The following RPS21 variants were observed in gnomAD, a reference collection of about 807,000 sequenced individuals.
RPS21 encodes the protein ribosomal protein S21.
Under a neutral mutation model 14.5 loss-of-function variants are expected in RPS21, and 6 were observed. The ratio of observed to expected loss-of-function variants is 0.41; its 90% confidence interval spans 0.23 to 0.82. The LOEUF (loss-of-function observed/expected upper bound fraction) is 0.82. Among genes scored for constraint, RPS21 ranks in the 40% least tolerant of loss-of-function variants. The pLI, the probability that RPS21 is intolerant of heterozygous loss-of-function variation, is 0.31. For missense variants in RPS21, 85 were observed against 115.0 expected, an observed-to-expected ratio of 0.74 and a Z score of 1.19; for synonymous variants, 61 against 42.6, an observed-to-expected ratio of 1.43 and a Z score of -1.69.
At position 62,388,457 on chromosome 20, in the gene RPS21, G is replaced by A. The variant is rs1327895833; in HGVS notation, c.243G>A (p.Lys81=). ...RLAKADGIVS[K]NF ...CGTTGTCCTTTTCCCCTGGTTCTAG[G>A]AACTTTTGACTGGAGAGAATCACAG... Residue 81 remains lysine (K), a splice_region_variant and synonymous_variant, in exon 6 of 6, where the codon AAG becomes AAA. Transcript: ENST00000343986. The A allele has an allele frequency of 1.2e-6, 2 of 1,613,888 alleles. No individual in the cohort carries two copies. Among genetic ancestry groups the A allele is most frequent in the Non-Finnish European group, 8.5e-7 (1 of 1,179,816 alleles).
intron 4 of RPS21, 33 bp downstream of exon 4, chr20:62,387,947 C>A: frequency 6.2e-7 from 1 of 1,614,206 alleles, no homozygotes; most frequent in Non-Finnish European, 8.5e-7. Context: ...CTCATCACTT[C>A]GGGACATCGT....
Position 62,387,312 on chromosome 20 carries a change from ACT to A in RPS21, c.-18-7_-18-6del, listed in dbSNP as rs1355013545. On this transcript the variant is annotated splice_region_variant and splice_polypyrimidine_tract_variant and intron_variant, in intron 1 of 5. Coordinates refer to ENST00000343986, the MANE Select transcript of RPS21 (RefSeq NM_001024.4). Reference sequence around the variant, plus strand: ...GCCGTACTCACGGCGCCGCGCGGTGACTCCCCAGGCGCAGCCCAGCCTCGAAA... The same window carrying A: ...GCCGTACTCACGGCGCCGCGCGGTGACCCCAGGCGCAGCCCAGCCTCGAAA... 1 of 1,579,828 alleles carries A rather than the reference ACT, an allele frequency of 6.3e-7. No individual in the cohort carries two copies. The highest frequency in any genetic ancestry group is 1.4e-5 in the African/African-American group (1 of 73,898).
intron 4 of RPS21, 108 bp from the exon 5 acceptor site, chr20:62,388,201 C>T: frequency 2.0e-6 from 3 of 1,464,152 alleles, no homozygotes; most frequent in Non-Finnish European, 2.8e-6. Flanking sequence ...CGCCTGTCTC[C>T]ATTCGCTCAG....
Position 62,387,405 on chromosome 20 carries a change from T to C in RPS21, c.50+17T>C. 1.2e-6 allele frequency: 2 copies of C among 1,608,102 alleles called. No individual in the cohort carries two copies. The highest frequency in any genetic ancestry group is 1.7e-6 in the Non-Finnish European group (2 of 1,177,300). On this transcript the variant is annotated intron_variant, in intron 2 of 5. Coordinates refer to ENST00000343986, the MANE Select transcript of RPS21 (RefSeq NM_001024.4). Reference sequence around the variant, plus strand: ...GCGGAAATGGTAAGCGCCCCCCACATGCCTCTCTTCCGTCCTTACCTAACC... The same window carrying C: ...GCGGAAATGGTAAGCGCCCCCCACACGCCTCTCTTCCGTCCTTACCTAACC...
At chr20:62,388,010 G>C in intron 4 of RPS21, 96 bp downstream of exon 4, 5 of 1,610,218 alleles carry the variant, frequency 3.1e-6, no homozygotes, top group Non-Finnish European at 3.4e-6. Flanking sequence ...AGATCTGCTG[G>C]CAGAGTAGTT....
At chr20:62,388,184 C>CCTTCTGCGCCTGTCTCCATTCGCT (rs1222797410) in intron 4 of RPS21, 125 bp from the exon 5 acceptor site, 2 of 1,455,880 alleles carry the variant, frequency 1.4e-6, no homozygotes, top group African/African-American at 2.9e-5. Flanking sequence ...AGGTGGCTCC[C>CCTTCTGCGCCTGTCTCCATTCGCT]CTTCTGCGCC....
rs773764016 is a variant in RPS21, at chr20:62,388,291, T to TA, written c.187-18_187-17insA. 1.1e-5 allele frequency: 6 copies of TA among 528,548 alleles called. No individual in the cohort carries two copies. The highest frequency in any genetic ancestry group is 1.6e-5 in the Non-Finnish European group (6 of 364,082). 32.7% of individuals were successfully genotyped at this position (528,548 alleles called of 1,614,324 possible). On this transcript the variant is annotated splice_polypyrimidine_tract_variant and intron_variant, in intron 4 of 5. Coordinates refer to ENST00000343986, the MANE Select transcript of RPS21 (RefSeq NM_001024.4). Reference sequence around the variant, plus strand: ...CGGAGTGGAAATATTCTTAGTGTGCTTTTTTTTTTTTCTTAAGGGTGAGTC... The same window carrying TA: ...CGGAGTGGAAATATTCTTAGTGTGCTATTTTTTTTTTTCTTAAGGGTGAGTC...
intron 4 of RPS21, 117 bp from the exon 5 acceptor site, chr20:62,388,192 G>A (rs746246695): frequency 1.2e-4 from 180 of 1,459,548 alleles, no homozygotes; most frequent in South Asian, 1.7e-4. Context: ...CCCCTTCTGC[G>A]CCTGTCTCCA....
chr20:62,388,191 C>T (rs1009737854), intron 4 of RPS21, 118 bp from the exon 5 acceptor site: 21 of 1,454,084 alleles, frequency 1.4e-5, no homozygotes, highest in African/African-American at 4.3e-5. Flanking sequence ...TCCCCTTCTG[C>T]GCCTGTCTCC....
chr20:62,387,550 C>T (rs1423333392), intron 2 of RPS21, 61 bp from the exon 3 acceptor site: 10 of 1,590,736 alleles, frequency 6.3e-6, no homozygotes, highest in South Asian at 2.3e-5. Flanking sequence ...CAACCTCCCT[C>T]GTCCCCTCTT....
rs552756202 is a variant in RPS21 at position 62,387,502 on chromosome 20, C to T, written c.51-109C>T. On this transcript the variant is annotated intron_variant, in intron 2 of 5. Coordinates refer to ENST00000343986, the MANE Select transcript of RPS21 (RefSeq NM_001024.4). ...TTACCTCGTCACGTCCCTAACTTGT[C>T]CTGCCCCCGACGTTACTCTTTTCCA... 1.1e-3 allele frequency: 1,697 copies of T among 1,587,546 alleles called. 2 individuals carry two copies. Among genetic ancestry groups the T allele is most frequent in the Non-Finnish European group, 1.4e-3 (1,610 of 1,161,176 alleles).
intron 4 of RPS21, 178 bp downstream of exon 4, chr20:62,388,092 C>T (rs1987807975): frequency 4.6e-6 from 7 of 1,535,214 alleles, no homozygotes; most frequent in Admixed American, 4.0e-5. Context: ...AGAAGACACT[C>T]AGGCAGCAGA....
intron 4 of RPS21, 39 bp from the exon 5 acceptor site, chr20:62,388,270 G>A (rs983275114): frequency 2.5e-6 from 4 of 1,576,136 alleles, no homozygotes; most frequent in Non-Finnish European, 3.4e-6. Flanking sequence ...GGCAGCCGGA[G>A]TGGAAATATT....
chr20:62,388,354 A>G lies in RPS21; in HGVS notation c.232A>G (p.Ile78Val). The G allele has an allele frequency of 1.9e-6, 3 of 1,603,394 alleles. No homozygotes were observed. The highest frequency in any genetic ancestry group is 2.5e-6 in the Non-Finnish European group (3 of 1,177,274). Residue 78 changes from isoleucine to valine, a missense_variant, in exon 5 of 6, where the codon ATC becomes GTC. By Grantham distance (29) the Ile-to-Val change is conservative (BLOSUM62 3). Transcript: ENST00000343986. ...TCTCCGATTGGCCAAGGCCGATGGCATCGTCTCAAAGTAAGGTTGGGGGCT... is the reference window on the plus strand; with the variant it reads ...TCTCCGATTGGCCAAGGCCGATGGCGTCGTCTCAAAGTAAGGTTGGGGGCT... Reference protein sequence around the residue: ...SILRLAKADGIVSKNF With the variant: ...SILRLAKADGVVSKNF
At position 62,387,553 on chromosome 20, in the gene RPS21, C is replaced by T. The variant is rs368520208; in HGVS notation, c.51-58C>T. ...TTCATATACCCCCAACCTCCCTCGT[C>T]CCCTCTTTCATTCTTACCGCCCAAG... On this transcript the variant is annotated intron_variant, in intron 2 of 5. Coordinates refer to ENST00000343986, the MANE Select transcript of RPS21 (RefSeq NM_001024.4). The T allele has an allele frequency of 4.1e-4, 659 of 1,592,418 alleles. 9 individuals are homozygous for T. In the South Asian group the frequency reaches 6.8e-3, roughly 16 times the overall value.
At position 62,387,689 on chromosome 20, in the gene RPS21, C is replaced by T. The variant is rs752770581; in HGVS notation, c.114+15C>T. The T allele has an allele frequency of 3.4e-5, 55 of 1,613,924 alleles. No homozygotes were observed. The highest frequency in any genetic ancestry group is 4.4e-5 in the Non-Finnish European group (52 of 1,180,020). ...ACGTGGCCGAGGTGAGCTGGGAGCC[C>T]GGGAGGCGGGAAGGTTGTGATATAT... On this transcript the variant is annotated intron_variant, in intron 3 of 5. Coordinates refer to ENST00000343986, the MANE Select transcript of RPS21 (RefSeq NM_001024.4).
At position 62,388,519 on chromosome 20, in the gene RPS21, T is replaced by TA; in HGVS notation, c.*54dup. ...TTGTCATAAATAAATAATGAAAACC[T>TA]ACCTGTGCAGGTTCATTCTGTGTCT... On this transcript the variant is annotated 3_prime_UTR_variant, in exon 6 of 6. Transcript: ENST00000343986. 5 of 1,589,834 alleles carry TA rather than the reference T, an allele frequency of 3.1e-6. No homozygotes were observed. Among genetic ancestry groups the TA allele is most frequent in the Non-Finnish European group, 4.3e-6 (5 of 1,158,110 alleles).
chr20:62,387,556 C>T (rs2146413607), intron 2 of RPS21, 55 bp from the exon 3 acceptor site: 2 of 1,592,848 alleles, frequency 1.3e-6, no homozygotes, highest in East Asian at 2.2e-5. Context: ...CCCTCGTCCC[C>T]TCTTTCATTC....
chr20:62,387,394 C>A lies in RPS21; in HGVS notation c.50+6C>A, dbSNP rs754565364. The A allele has an allele frequency of 6.2e-7, 1 of 1,607,792 alleles. No individual in the cohort carries two copies. Among genetic ancestry groups the A allele is most frequent in the East Asian group, 2.2e-5 (1 of 44,488 alleles). On this transcript the variant is annotated splice_donor_region_variant and intron_variant, in intron 2 of 5. Coordinates refer to ENST00000343986, the MANE Select transcript of RPS21 (RefSeq NM_001024.4). Reference sequence around the variant, plus strand: ...CTGTACGTGCCGCGGAAATGGTAAGCGCCCCCCACATGCCTCTCTTCCGTC... The same window carrying A: ...CTGTACGTGCCGCGGAAATGGTAAGAGCCCCCCACATGCCTCTCTTCCGTC...
Sources: allele counts gnomAD v4.1 joint callset, GRCh38; gene constraint gnomAD v4.1.1; transcripts MANE v1.5; gene names NCBI Gene and HGNC (gene_info 2026-07-23, HGNC 2026-07-21).